PDE10A: variants seen among roughly 807,000 people sequenced by gnomAD.
The protein encoded by PDE10A is phosphodiesterase 10A, also known as cAMP and cAMP-inhibited cGMP 3',5'-cyclic phosphodiesterase 10A.
A neutral mutation model predicts 97.7 loss-of-function variants in PDE10A; 39 were observed. That is an observed-to-expected ratio of 0.40 (90% CI 0.31 to 0.52). The LOEUF (loss-of-function observed/expected upper bound fraction) is 0.52, where lower values mean the gene tolerates loss of function less well. Among genes scored for constraint, PDE10A ranks in the 20% least tolerant of loss-of-function variants. The pLI, the probability that PDE10A is intolerant of heterozygous loss-of-function variation, is 0.56. For missense variants in PDE10A, 731 were observed against 1,047.8 expected (o/e 0.70, Z 4.17); for synonymous variants, 371 against 376.8 (o/e 0.98, Z 0.18).
intron 3 of PDE10A, among the ~76,000 whole-genome samples, chr6:165,468,096 T>C (rs780287289): frequency 9.9e-5 from 15 of 152,192 alleles, no homozygotes; most frequent in Non-Finnish European, 2.2e-4. Flanking sequence ...TTTTGTTTTT[T>C]GAGACAGAGT....
chr6:165,714,821 G>A (rs115089335), intron 1 of PDE10A, among the ~76,000 whole-genome samples: 3,953 of 152,360 alleles, frequency 0.026, 164 homozygotes, highest in African/African-American at 0.091. Context: ...GTGGCGGATT[G>A]TGGCCCAGTC....
intron 3 of PDE10A, among the ~76,000 whole-genome samples, chr6:165,452,326 T>C (rs1222441042): frequency 6.6e-6 from 1 of 152,232 alleles, no homozygotes; most frequent in Non-Finnish European, 1.5e-5. Context: ...GTCACAGAAA[T>C]ATTCAGCATG....
chr6:165,471,052 T>TA (rs1419279530), intron 3 of PDE10A, among the ~76,000 whole-genome samples: 14 of 152,126 alleles, frequency 9.2e-5, no homozygotes, highest in Non-Finnish European at 1.5e-4. Context: ...CTCTCACAAA[T>TA]TCCAATTGCT....
chr6:165,571,405 A>G (rs992384683), intron 1 of PDE10A, among the ~76,000 whole-genome samples: 1 of 152,180 alleles, frequency 6.6e-6, no homozygotes, highest in Non-Finnish European at 1.5e-5. Context: ...ATTACACACC[A>G]CTTAGGCATC....
At chr6:165,515,922 T>C (rs1458846019) in intron 2 of PDE10A, among the ~76,000 whole-genome samples, 1 of 152,126 alleles carries the variant, frequency 6.6e-6, no homozygotes, top group Admixed American at 6.6e-5. Flanking sequence ...TTTAAAACAC[T>C]GAACAAGATA....
intron 1 of PDE10A, among the ~76,000 whole-genome samples, chr6:165,897,991 A>G (rs1260071604): frequency 2.6e-5 from 4 of 150,986 alleles, no homozygotes; most frequent in Admixed American, 2.6e-4. Flanking sequence ...TTTGCCGACC[A>G]CTCCCGTTAG....
chr6:165,943,144 A>G (rs971749050), intron 1 of PDE10A, among the ~76,000 whole-genome samples: 3 of 134,828 alleles, frequency 2.2e-5, no homozygotes, highest in African/African-American at 8.8e-5. Context: ...GCAAGAGAGG[A>G]GAGAGAGAGA....
At chr6:165,415,498 T>C (rs1243776790) in intron 12 of PDE10A, among the ~76,000 whole-genome samples, 1 of 152,200 alleles carries the variant, frequency 6.6e-6, no homozygotes, top group Non-Finnish European at 1.5e-5. Context: ...AATTACATAA[T>C]TGGGTTTGCA....
At chr6:165,911,510 G>A (rs1273555454) in intron 1 of PDE10A, among the ~76,000 whole-genome samples, 1 of 152,174 alleles carries the variant, frequency 6.6e-6, no homozygotes, top group East Asian at 1.9e-4. Context: ...GGCAGGTCTT[G>A]AAGGGTGACT....
intron 1 of PDE10A, among the ~76,000 whole-genome samples, chr6:165,557,475 C>T (rs1389602206): frequency 1.3e-5 from 2 of 151,766 alleles, no homozygotes; most frequent in Admixed American, 6.6e-5. Flanking sequence ...AAAATTATAC[C>T]CTAAAAGTGA....
chr6:165,755,031 G>GA (rs1190880846), intron 1 of PDE10A, among the ~76,000 whole-genome samples: 6 of 151,884 alleles, frequency 4.0e-5, no homozygotes, highest in South Asian at 2.1e-4. Context: ...ATTTAAAACT[G>GA]AAAAAAAGCC....
intron 1 of PDE10A, among the ~76,000 whole-genome samples, chr6:165,814,262 A>G (rs931294379): frequency 1.3e-5 from 2 of 152,136 alleles, no homozygotes; most frequent in African/African-American, 4.8e-5. Context: ...GGTTCTCAGC[A>G]CTGTGCTCCT....
At chr6:165,691,287 T>A (rs372330516) in intron 1 of PDE10A, among the ~76,000 whole-genome samples, 3 of 144,790 alleles carry the variant, frequency 2.1e-5, no homozygotes, top group South Asian at 2.3e-4. Flanking sequence ...ATGAGCCACA[T>A]ATACAACAGT....
chr6:165,521,870 C>G (rs1782148134), intron 2 of PDE10A, among the ~76,000 whole-genome samples: 1 of 152,178 alleles, frequency 6.6e-6, no homozygotes. Context: ...GTAGCTACAC[C>G]TGGTGCTTTC....
rs371200703 is a variant in PDE10A at position 165,523,868 on chromosome 6, T to C, written c.994+19572A>G. On this transcript the variant is annotated intron_variant, in intron 2 of 21. Coordinates refer to ENST00000539869, the MANE Select transcript of PDE10A (RefSeq NM_001385079.1). ...TCAACTTGATTGAAGGTACAAAATA[T>C]TAATCCTGGGTGTGTCTGTGAGGGT... Among the ~76,000 whole-genome samples the C allele has an allele frequency of 1.6e-4, 24 of 152,298 alleles. 1 individual carries two copies. In the East Asian group the frequency reaches 4.2e-3, roughly 27 times the overall value.
At chr6:165,912,522 C>A (rs1782491266) in intron 1 of PDE10A, among the ~76,000 whole-genome samples, 1 of 152,182 alleles carries the variant, frequency 6.6e-6, no homozygotes, top group African/African-American at 2.4e-5. Flanking sequence ...ACAGTTTTTG[C>A]ATTTTCTTGC....
chr6:165,903,623 C>A (rs144662050), intron 1 of PDE10A, among the ~76,000 whole-genome samples: 1 of 152,048 alleles, frequency 6.6e-6, no homozygotes, highest in African/African-American at 2.4e-5. Flanking sequence ...TATAACAGGC[C>A]GCTACTCATC....
At chr6:165,444,017 C>A (rs981405843) in intron 5 of PDE10A, among the ~76,000 whole-genome samples, 2 of 152,174 alleles carry the variant, frequency 1.3e-5, no homozygotes, top group Non-Finnish European at 2.9e-5. Flanking sequence ...TTCTACAACA[C>A]GGTCAGGCTA....
intron 2 of PDE10A, among the ~76,000 whole-genome samples, chr6:165,490,968 A>C (rs1780193715): frequency 6.6e-6 from 1 of 152,116 alleles, no homozygotes; most frequent in Non-Finnish European, 1.5e-5. Flanking sequence ...AAAATTACAA[A>C]ATAAATTCAC....
Sources: gnomAD v4.1 joint callset for allele counts (sites outside exome capture counted in the v4.1 genomes callset) on GRCh38, gnomAD v4.1.1 for gene constraint, MANE v1.5 for transcripts, NCBI Gene and HGNC (gene_info 2026-07-23, HGNC 2026-07-21) for gene names.